Variants in LRBA observed in about 807,000 individuals in gnomAD.
The protein encoded by LRBA is lipopolysaccharide-responsive and beige-like anchor protein.
A neutral mutation model predicts 330.0 loss-of-function variants in LRBA; 176 were observed. The ratio of observed to expected loss-of-function variants is 0.53; its 90% CI spans 0.47 to 0.60. The LOEUF (loss-of-function observed/expected upper bound fraction) is 0.60, where lower values mean the gene tolerates loss of function less well. Ranked by LOEUF, LRBA falls within the 20% of genes least tolerant of loss-of-function variation. The pLI, the probability that LRBA is intolerant of heterozygous loss-of-function variation, is 0.00. For synonymous variants in LRBA, 1,230 were observed against 1,193.0 expected, an observed-to-expected ratio of 1.03 and a Z score of -0.64; for missense variants, 3,259 against 3,444.8, an observed-to-expected ratio of 0.95 and a Z score of 1.35.
chr4:150,278,172 A>G (rs1747052707), intron 55 of LRBA, among the ~76,000 whole-genome samples, 168 bp from the exon 56 acceptor site: 1 of 152,186 alleles, frequency 6.6e-6, no homozygotes, highest in Non-Finnish European at 1.5e-5. Context: ...CCATTTTTCA[A>G]AAACCAAATG....
intron 2 of LRBA, among the ~76,000 whole-genome samples, chr4:151,005,875 C>T (rs1359810467): frequency 1.3e-5 from 2 of 152,022 alleles, no homozygotes; most frequent in Admixed American, 6.6e-5. Flanking sequence ...GGATTACAGA[C>T]TTACAGACGT....
At chr4:150,827,996 T>C (rs1373089919) in intron 30 of LRBA, among the ~76,000 whole-genome samples, 184 bp downstream of exon 30, 1 of 152,198 alleles carries the variant, frequency 6.6e-6, no homozygotes, top group Non-Finnish European at 1.5e-5. Flanking sequence ...AAAATATGTG[T>C]GAATCAACTG....
At position 150,421,152 on chromosome 4, in the gene LRBA, TTA is replaced by T. The variant is rs373057424; in HGVS notation, c.7042-5564_7042-5563del. 6.3e-4 allele frequency among the ~76,000 whole-genome samples: 58 copies of T among 92,558 alleles called. 2 individuals are homozygous for T. The highest frequency in any genetic ancestry group is 8.8e-4 in the South Asian group (3 of 3,408). The allele number at this position is 92,558 out of a possible 152,430, so 60.7% of individuals were successfully genotyped here. A position where few individuals can be genotyped will look rare whatever the true frequency, so the allele number is the denominator to read the frequency against. Reference sequence around the variant, plus strand: ...TAAAGTATATATAATATACATTATATTATATATAAAGTATATATAATACATAG... The same window carrying T: ...TAAAGTATATATAATATACATTATATTATATAAAGTATATATAATACATAG... On this transcript the variant is annotated intron_variant, in intron 46 of 56. Transcript: ENST00000651943.
At chr4:150,421,561 TTTTG>T (rs1370279826) in intron 46 of LRBA, among the ~76,000 whole-genome samples, 3 of 151,860 alleles carry the variant, frequency 2.0e-5, no homozygotes, top group Admixed American at 1.3e-4. Context: ...CTTATTCTTT[TTTTG>T]TTTGTTTAAC....
At chr4:150,640,360 T>C (rs759901839) in intron 37 of LRBA, among the ~76,000 whole-genome samples, 1 of 152,136 alleles carries the variant, frequency 6.6e-6, no homozygotes, top group African/African-American at 2.4e-5. Context: ...CAGTGACCTA[T>C]ATATAAATAC....
At chr4:150,626,379 A>G (rs1407775438) in intron 37 of LRBA, among the ~76,000 whole-genome samples, 1 of 152,176 alleles carries the variant, frequency 6.6e-6, no homozygotes, top group Admixed American at 6.5e-5. Context: ...GCAGAACTGT[A>G]TTTATCAAAA....
intron 44 of LRBA, among the ~76,000 whole-genome samples, chr4:150,452,001 T>C (rs892199771): frequency 1.3e-5 from 2 of 152,134 alleles, no homozygotes; most frequent in African/African-American, 4.8e-5. Context: ...ACCAAACATT[T>C]AAGGGTGAAA....
At chr4:151,009,561 A>C (rs1169777067) in intron 2 of LRBA, among the ~76,000 whole-genome samples, 2 of 151,664 alleles carry the variant, frequency 1.3e-5, no homozygotes, top group African/African-American at 4.9e-5. Flanking sequence ...AAAAAAAAAA[A>C]AAACTAGCGG....
chr4:150,421,243 T>C (rs1343478638), intron 46 of LRBA, among the ~76,000 whole-genome samples: 2 of 133,232 alleles, frequency 1.5e-5, no homozygotes, highest in Non-Finnish European at 3.2e-5. Flanking sequence ...TATAAATATA[T>C]ACATATATCA....
intron 34 of LRBA, among the ~76,000 whole-genome samples, chr4:150,784,425 C>G (rs1046336404): frequency 8.5e-5 from 13 of 152,180 alleles, no homozygotes; most frequent in Non-Finnish European, 1.2e-4. Context: ...CCTTTTTGCC[C>G]TTGCCCCACA....
chr4:150,922,207 C>T (rs1231917226), intron 4 of LRBA, among the ~76,000 whole-genome samples: 1 of 152,000 alleles, frequency 6.6e-6, no homozygotes, highest in Non-Finnish European at 1.5e-5. Context: ...CCCCACCCAC[C>T]CTTCTTTAAA....
intron 46 of LRBA, among the ~76,000 whole-genome samples, chr4:150,425,463 A>T (rs984509614): frequency 2.6e-5 from 4 of 152,204 alleles, no homozygotes; most frequent in Non-Finnish European, 4.4e-5. Flanking sequence ...TAAGATAAAA[A>T]TTTGAAAGGT....
chr4:150,283,705 A>C (rs531152220), intron 54 of LRBA, among the ~76,000 whole-genome samples: 1 of 152,338 alleles, frequency 6.6e-6, no homozygotes, highest in East Asian at 1.9e-4. Flanking sequence ...TCACTCCTTA[A>C]ATAACACCAG....
intron 2 of LRBA, among the ~76,000 whole-genome samples, chr4:151,008,704 G>A (rs957771198): frequency 2.6e-5 from 4 of 151,782 alleles, no homozygotes; most frequent in African/African-American, 7.3e-5. Context: ...GCTGGGCGCA[G>A]TGGCTCACGC....
At chr4:150,878,813 G>A (rs1031669981) in intron 17 of LRBA, among the ~76,000 whole-genome samples, 65 of 149,998 alleles carry the variant, frequency 4.3e-4, no homozygotes, top group African/African-American at 1.4e-3. Context: ...ATTGAGCTCC[G>A]AAACTGTATA....
chr4:150,714,723 T>C (rs139877630), intron 36 of LRBA, among the ~76,000 whole-genome samples: 209 of 152,294 alleles, frequency 1.4e-3, no homozygotes, highest in African/African-American at 4.8e-3. Context: ...TATACACACT[T>C]CAGAACATGT....
At chr4:150,405,292 G>A (rs1318706120) in intron 47 of LRBA, among the ~76,000 whole-genome samples, 2 of 152,148 alleles carry the variant, frequency 1.3e-5, no homozygotes, top group Non-Finnish European at 2.9e-5. Context: ...TAGTAATACA[G>A]AAAAGGCTAT....
At chr4:150,952,029 G>T (rs1364895260) in intron 2 of LRBA, among the ~76,000 whole-genome samples, 1 of 152,166 alleles carries the variant, frequency 6.6e-6, no homozygotes, top group Admixed American at 6.5e-5. Context: ...GTTTGCAAAT[G>T]TATCTTCCAT....
At chr4:150,339,073 C>A (rs1561035230) in intron 48 of LRBA, among the ~76,000 whole-genome samples, 1 of 151,840 alleles carries the variant, frequency 6.6e-6, no homozygotes, top group Non-Finnish European at 1.5e-5. Flanking sequence ...ACAAAAACTA[C>A]AATTAACAGC....
Sources: gnomAD v4.1 joint callset for allele counts (sites outside exome capture counted in the v4.1 genomes callset) on GRCh38, gnomAD v4.1.1 for gene constraint, MANE v1.5 for transcripts, NCBI Gene and HGNC (gene_info 2026-07-23, HGNC 2026-07-21) for gene names.